The following ACBD6 variants were observed in gnomAD, a reference collection of about 807,000 sequenced individuals.
ACBD6 encodes acyl-CoA binding domain containing 6, also known as acyl-CoA-binding domain-containing protein 6.
In ACBD6, 28 loss-of-function variants were observed where a neutral mutation model predicts 37.2. The observed-to-expected ratio is 0.75, with a 90% CI of 0.56 to 1.03. ACBD6 has a LOEUF of 1.03. ACBD6 is among the 50% of genes least tolerant of loss of function. The pLI is 0.00. For synonymous variants in ACBD6, 113 were observed against 126.8 expected (o/e 0.89, Z 0.73); for missense variants, 340 against 337.4 (o/e 1.01, Z -0.06).
intron 6 of ACBD6, among the ~76,000 whole-genome samples, chr1:180,359,920 G>C (rs1438241997): frequency 1.3e-5 from 2 of 152,110 alleles, no homozygotes; most frequent in Non-Finnish European, 2.9e-5. Context: ...TACAGACATA[G>C]AAAGTGAGAT....
intron 7 of ACBD6, among the ~76,000 whole-genome samples, chr1:180,304,834 A>G (rs1481347769): frequency 1.3e-5 from 2 of 151,644 alleles, no homozygotes; most frequent in Admixed American, 6.6e-5. Flanking sequence ...GAGGCATCAC[A>G]CTACCTGACT....
At chr1:180,349,723 C>T (rs74889023) in intron 6 of ACBD6, among the ~76,000 whole-genome samples, 4,721 of 152,046 alleles carry the variant, frequency 0.031, 91 homozygotes, top group South Asian at 0.059. Context: ...GGGCCTTTCT[C>T]TTTAATATTG....
chr1:180,354,165 C>A (rs1652532717), intron 6 of ACBD6, among the ~76,000 whole-genome samples: 1 of 152,140 alleles, frequency 6.6e-6, no homozygotes, highest in South Asian at 2.1e-4. Context: ...GGAGGTAGGC[C>A]ACAGCTCACT....
intron 3 of ACBD6, among the ~76,000 whole-genome samples, chr1:180,451,976 T>C (rs1649724809): frequency 6.6e-6 from 1 of 152,124 alleles, no homozygotes. Context: ...GTCATTTCTA[T>C]CTGAACAACC....
At chr1:180,466,854 C>T (rs1364910650) in intron 3 of ACBD6, among the ~76,000 whole-genome samples, 1 of 151,960 alleles carries the variant, frequency 6.6e-6, no homozygotes, top group African/African-American at 2.4e-5. Flanking sequence ...TTATTGTGAC[C>T]AGTAAATAAG....
chr1:180,440,273 TA>T (rs1649227928), intron 3 of ACBD6, among the ~76,000 whole-genome samples: 1 of 152,124 alleles, frequency 6.6e-6, no homozygotes, highest in African/African-American at 2.4e-5. Flanking sequence ...GACACCCGAC[TA>T]ATTTTTGCAT....
chr1:180,354,465 T>A (rs1652545407), intron 6 of ACBD6, among the ~76,000 whole-genome samples: 1 of 152,196 alleles, frequency 6.6e-6, no homozygotes, highest in African/African-American at 2.4e-5. Flanking sequence ...ATGGTAATTT[T>A]AAAAAATGTT....
chr1:180,301,060 C>T (rs2149283627), intron 7 of ACBD6, among the ~76,000 whole-genome samples: 1 of 152,258 alleles, frequency 6.6e-6, no homozygotes, highest in African/African-American at 2.4e-5. Context: ...CATCTCTGAA[C>T]TGTAGTTTTT....
At chr1:180,318,303 T>C (rs1413073754) in intron 6 of ACBD6, among the ~76,000 whole-genome samples, 1 of 152,160 alleles carries the variant, frequency 6.6e-6, no homozygotes, top group Non-Finnish European at 1.5e-5. Flanking sequence ...TTTCTCATGT[T>C]TAAAAAATTC....
intron 7 of ACBD6, among the ~76,000 whole-genome samples, chr1:180,288,925 G>A (rs573196642): frequency 1.3e-5 from 2 of 151,794 alleles, no homozygotes; most frequent in African/African-American, 4.8e-5. Flanking sequence ...TCAAATAAAA[G>A]GTTTTGTTTT....
intron 6 of ACBD6, among the ~76,000 whole-genome samples, chr1:180,367,698 A>G (rs1205805842): frequency 1.3e-5 from 2 of 152,118 alleles, no homozygotes; most frequent in Non-Finnish European, 2.9e-5. Context: ...AGCTCCATCC[A>G]CGTTCCTGCA....
chr1:180,296,436 T>C (rs1314782790), intron 7 of ACBD6, among the ~76,000 whole-genome samples: 1 of 152,148 alleles, frequency 6.6e-6, no homozygotes, highest in Non-Finnish European at 1.5e-5. Flanking sequence ...ATTTTCTTTT[T>C]TTCTTTTCTA....
chr1:180,464,880 C>T lies in ACBD6; in HGVS notation c.384+27389G>A, dbSNP rs568316971. Among the ~76,000 whole-genome samples, 29 of 152,178 alleles carry T rather than the reference C, an allele frequency of 1.9e-4. 1 individual carries two copies. The South Asian group carries it at 6.0e-3, about 32-fold the overall frequency. On this transcript the variant is annotated intron_variant, in intron 3 of 7. Transcript: ENST00000367595. ...CGAATAGAGAGCCCAGAAATAAGGC[C>T]TCATATCTATGACCAACTGATCTTT...
intron 6 of ACBD6, among the ~76,000 whole-genome samples, chr1:180,319,664 C>T (rs1161239555): frequency 6.6e-6 from 1 of 152,154 alleles, no homozygotes; most frequent in Admixed American, 6.5e-5. Flanking sequence ...GCAACCCTTC[C>T]CAGCCTCTAG....
intron 5 of ACBD6, among the ~76,000 whole-genome samples, chr1:180,398,166 A>G (rs1654336959): frequency 6.6e-6 from 1 of 152,230 alleles, no homozygotes; most frequent in Admixed American, 6.5e-5. Flanking sequence ...TTTCAGCTCA[A>G]TCAGTTCACT....
chr1:180,495,118 C>T (rs911963343), intron 2 of ACBD6, among the ~76,000 whole-genome samples: 2 of 152,110 alleles, frequency 1.3e-5, no homozygotes, highest in Non-Finnish European at 2.9e-5. Context: ...ATCATTCTGG[C>T]CTTCTTCCAA....
intron 7 of ACBD6, among the ~76,000 whole-genome samples, chr1:180,299,562 T>C (rs934696824): frequency 7.8e-6 from 1 of 127,828 alleles, no homozygotes; most frequent in Admixed American, 7.4e-5. Context: ...AATGAATTTC[T>C]TTTTTTTTTT....
At chr1:180,491,166 C>T (rs1651488505) in intron 3 of ACBD6, among the ~76,000 whole-genome samples, 1 of 151,908 alleles carries the variant, frequency 6.6e-6, no homozygotes, top group South Asian at 2.1e-4. Flanking sequence ...TCCTTCATAC[C>T]AGTAACAACT....
intron 3 of ACBD6, among the ~76,000 whole-genome samples, chr1:180,474,913 TA>T (rs1172589620): frequency 2.6e-5 from 4 of 152,262 alleles, no homozygotes; most frequent in African/African-American, 9.6e-5. Context: ...GGACATTTTC[TA>T]CATGTCCCTT....
Sources: gnomAD v4.1 joint callset for allele counts (sites outside exome capture counted in the v4.1 genomes callset) on GRCh38, gnomAD v4.1.1 for gene constraint, MANE v1.5 for transcripts, NCBI Gene and HGNC (gene_info 2026-07-23, HGNC 2026-07-21) for gene names.